PTPN13: variants seen among roughly 807,000 people sequenced by gnomAD.
PTPN13 encodes protein tyrosine phosphatase non-receptor type 13, also known as tyrosine-protein phosphatase non-receptor type 13.
A neutral mutation model predicts 284.0 loss-of-function variants in PTPN13; 191 were observed. The ratio of observed to expected loss-of-function variants is 0.67; its 90% CI spans 0.60 to 0.76. PTPN13 has a LOEUF of 0.76. Ranked by LOEUF, PTPN13 falls within the 30% of genes least tolerant of loss-of-function variation. The probability of loss-of-function intolerance (pLI) is 0.00; values close to 1 mark genes in which losing one functional copy is unlikely to be tolerated. For missense variants in PTPN13, 2,797 were observed against 2,939.9 expected, an observed-to-expected ratio of 0.95 and a Z score of 1.12; for synonymous variants, 986 against 1,022.3, an observed-to-expected ratio of 0.96 and a Z score of 0.68.
At chr4:86,735,385 TCTC>T (rs1365910118) in intron 14 of PTPN13, among the ~76,000 whole-genome samples, 1 of 152,306 alleles carries the variant, frequency 6.6e-6, no homozygotes, top group East Asian at 1.9e-4. Flanking sequence ...ATGTCACACT[TCTC>T]AAGCTTGCTG....
chr4:86,596,716 G>C (rs983301081), intron 1 of PTPN13, among the ~76,000 whole-genome samples: 1 of 152,140 alleles, frequency 6.6e-6, no homozygotes, highest in Non-Finnish European at 1.5e-5. Flanking sequence ...CGTATCAATG[G>C]GGTGTATATT....
chr4:86,815,149 G>C lies in PTPN13; in HGVS notation c.*598G>C, dbSNP rs1331390379. The C allele has an allele frequency of 6.6e-6, 1 of 152,492 alleles. No individual in the cohort carries two copies. Among genetic ancestry groups the C allele is most frequent in the Non-Finnish European group, 1.5e-5 (1 of 68,052 alleles). The allele number at this position is 152,492 out of a possible 1,614,324, so 9.4% of individuals were successfully genotyped here. On this transcript the variant is annotated 3_prime_UTR_variant, in exon 48 of 48. Coordinates refer to ENST00000411767, the MANE Select transcript of PTPN13 (RefSeq NM_080683.3). ...TAAATAAAAACACACCTTAAAACAT[G>C]AACAAGCCAAAACTGTGTGCAGACA...
At chr4:86,789,842 C>CTT (rs34944218) in intron 40 of PTPN13, among the ~76,000 whole-genome samples, 5,241 of 135,918 alleles carry the variant, frequency 0.039, 161 homozygotes, top group Non-Finnish European at 0.054. Context: ...ATCACTGTAG[C>CTT]TTTTTTTTTT....
intron 1 of PTPN13, among the ~76,000 whole-genome samples, chr4:86,603,926 A>G (rs1306817250): frequency 6.6e-6 from 1 of 152,028 alleles, no homozygotes; most frequent in African/African-American, 2.4e-5. Flanking sequence ...ACATTTAATT[A>G]TTTGTAATAA....
chr4:86,658,872 A>G (rs1385749974), intron 2 of PTPN13, among the ~76,000 whole-genome samples: 1 of 152,212 alleles, frequency 6.6e-6, no homozygotes, highest in Non-Finnish European at 1.5e-5. Context: ...ATAAACAAGG[A>G]GAAGGTTTTT....
intron 10 of PTPN13, among the ~76,000 whole-genome samples, chr4:86,728,435 T>A (rs542401672): frequency 1.3e-5 from 2 of 148,526 alleles, no homozygotes; most frequent in South Asian, 2.1e-4. Context: ...CCCATTATTA[T>A]TGTGTGGGAG....
chr4:86,656,580 C>A (rs1324693744), intron 2 of PTPN13, among the ~76,000 whole-genome samples: 1 of 152,184 alleles, frequency 6.6e-6, no homozygotes, highest in Non-Finnish European at 1.5e-5. Flanking sequence ...GATCGTTCCT[C>A]TGGAAGCTTT....
chr4:86,704,928 T>C (rs971475507), intron 7 of PTPN13, among the ~76,000 whole-genome samples: 1 of 152,226 alleles, frequency 6.6e-6, no homozygotes, highest in Admixed American at 6.5e-5. Flanking sequence ...CTACAGGCAT[T>C]AATCAAAAGG....
intron 25 of PTPN13, 26 bp downstream of exon 25, chr4:86,764,750 G>T (rs775688538): frequency 1.5e-5 from 24 of 1,583,646 alleles, no homozygotes; most frequent in Non-Finnish European, 2.0e-5. Flanking sequence ...GTTTTCAAAT[G>T]TTTTCTCTTC....
At chr4:86,628,800 A>G (rs1282406578) in intron 1 of PTPN13, among the ~76,000 whole-genome samples, 3 of 147,896 alleles carry the variant, frequency 2.0e-5, no homozygotes, top group Non-Finnish European at 3.0e-5. Flanking sequence ...ATGGTTTCCA[A>G]TTTCATCCAT....
rs183745459 is a variant in PTPN13, at chr4:86,609,382, A to C, written c.-6+14593A>C. ...TATTTATATAAGGTTGAAAATGTAC[A>C]AAGATTGAAAAGTAAGTCATCTTTG... On this transcript the variant is annotated intron_variant, in intron 1 of 47. Transcript: ENST00000411767. 2.4e-4 allele frequency among the ~76,000 whole-genome samples: 36 copies of C among 152,276 alleles called. 1 individual carries two copies. In the East Asian group the frequency reaches 6.9e-3, roughly 29 times the overall value.
At chr4:86,788,135 T>G (rs1742199720) in intron 40 of PTPN13, among the ~76,000 whole-genome samples, 1 of 152,152 alleles carries the variant, frequency 6.6e-6, no homozygotes, top group African/African-American at 2.4e-5. Flanking sequence ...ATTAAAACAT[T>G]TAAAAATTTT....
chr4:86,656,962 T>G (rs1350931926), intron 2 of PTPN13, among the ~76,000 whole-genome samples: 1 of 152,192 alleles, frequency 6.6e-6, no homozygotes, highest in East Asian at 1.9e-4. Flanking sequence ...CGCCTTGCAG[T>G]TTGATCTCAG....
intron 3 of PTPN13, among the ~76,000 whole-genome samples, chr4:86,685,367 G>A (rs1452088299): frequency 6.6e-6 from 1 of 152,144 alleles, no homozygotes; most frequent in African/African-American, 2.4e-5. Context: ...CCAGCACACC[G>A]GGAAGCCAAG....
In PTPN13 at chr4:86,730,546, C is replaced by T. The variant is rs1411167869; in HGVS notation, c.1609-1854C>T. Among the ~76,000 whole-genome samples, 10 of 149,832 alleles carry T rather than the reference C, an allele frequency of 6.7e-5. 1 individual carries two copies. Among genetic ancestry groups the T allele is most frequent in the African/African-American group, 9.7e-5 (4 of 41,104 alleles). On this transcript the variant is annotated intron_variant, in intron 10 of 47. Coordinates refer to ENST00000411767, the MANE Select transcript of PTPN13 (RefSeq NM_080683.3). Reference sequence around the variant, plus strand: ...CCCTCCCCCGACCAGGCTGCAGCCTCGGAAGTTGATCTCAGATTGCTGCGC... The same window carrying T: ...CCCTCCCCCGACCAGGCTGCAGCCTTGGAAGTTGATCTCAGATTGCTGCGC...
chr4:86,615,454 T>C (rs1720431314), intron 1 of PTPN13, among the ~76,000 whole-genome samples: 1 of 152,170 alleles, frequency 6.6e-6, no homozygotes, highest in South Asian at 2.1e-4. Flanking sequence ...TTTCATTCCC[T>C]ACTGTCTGTC....
At chr4:86,792,989 G>C (rs11561681) in intron 40 of PTPN13, among the ~76,000 whole-genome samples, 20,502 of 152,194 alleles carry the variant, frequency 0.13, 1,762 homozygotes, top group East Asian at 0.3. Flanking sequence ...ATAATGACAA[G>C]ATCAAATTCA....
intron 10 of PTPN13, among the ~76,000 whole-genome samples, chr4:86,728,109 ATGCAGTTG>A (rs952311585): frequency 2.0e-5 from 3 of 149,702 alleles, no homozygotes; most frequent in Non-Finnish European, 4.5e-5. Context: ...TTCAGTTTCC[ATGCAGTTG>A]TGCAGTTTTG....
At chr4:86,628,071 G>A (rs974175518) in intron 1 of PTPN13, among the ~76,000 whole-genome samples, 1 of 152,072 alleles carries the variant, frequency 6.6e-6, no homozygotes, top group African/African-American at 2.4e-5. Context: ...TATTGGGTAA[G>A]CAGCTTGGCA....
Sources: allele counts gnomAD v4.1 joint callset (sites outside exome capture counted in the v4.1 genomes callset), GRCh38; gene constraint gnomAD v4.1.1; transcripts MANE v1.5; gene names NCBI Gene and HGNC (gene_info 2026-07-23, HGNC 2026-07-21).